ITGB6: variants seen among roughly 807,000 people sequenced by gnomAD.
The protein encoded by ITGB6 is integrin subunit beta 6, also known as integrin beta-6.
In ITGB6, 80 loss-of-function variants were observed where a neutral mutation model predicts 84.5. That is an observed-to-expected ratio of 0.95 (90% CI 0.79 to 1.14). The LOEUF (loss-of-function observed/expected upper bound fraction) is 1.14. Ranked by LOEUF, ITGB6 falls within the 50% of genes most tolerant of loss-of-function variation. The probability of loss-of-function intolerance (pLI) is 0.00; values close to 1 mark genes in which losing one functional copy is unlikely to be tolerated. For missense variants in ITGB6, 1,006 were observed against 968.0 expected (o/e 1.04, Z -0.52); for synonymous variants, 383 against 354.9 (o/e 1.08, Z -0.89).
At chr2:160,139,378 T>C (rs1683899719) in intron 8 of ITGB6, among the ~76,000 whole-genome samples, 1 of 152,110 alleles carries the variant, frequency 6.6e-6, no homozygotes, top group South Asian at 2.1e-4. Context: ...GGGTATATAG[T>C]AGGTGTATAT....
At chr2:160,180,236 AT>A (rs1469077736) in intron 4 of ITGB6, among the ~76,000 whole-genome samples, 1 of 152,200 alleles carries the variant, frequency 6.6e-6, no homozygotes, top group Admixed American at 6.5e-5. Context: ...GGTGAAATAA[AT>A]TTTTAGTGTC....
chr2:160,107,805 C>A lies in ITGB6; in HGVS notation c.2142G>T (p.Gly714=). 6.2e-7 allele frequency: 1 copy of A among 1,613,472 alleles called. No individual in the cohort carries two copies. The highest frequency in any genetic ancestry group is 8.5e-7 in the Non-Finnish European group (1 of 1,179,558). The change falls in exon 14 of 15, where the codon GGG becomes GGT. Residue 714 remains glycine (G), a synonymous_variant. Coordinates refer to ENST00000283249, the MANE Select transcript of ITGB6 (RefSeq NM_000888.5). Reference sequence around the variant, plus strand: ...CGATGAGAAGAATAGCCAGGGAAACCCCTAACATGATCATGGGAATGTTTG... The same window carrying A: ...CGATGAGAAGAATAGCCAGGGAAACACCTAACATGATCATGGGAATGTTTG... ...KPPNIPMIML[G]VSLAILLIGV... is the part of the protein sequence containing the mutation.
At chr2:160,135,127 A>C (rs1346366257) in intron 10 of ITGB6, among the ~76,000 whole-genome samples, 1 of 150,962 alleles carries the variant, frequency 6.6e-6, no homozygotes, top group African/African-American at 2.4e-5. Flanking sequence ...CCCTGTTTGC[A>C]GATGACATGA....
At chr2:160,154,739 A>G (rs1456415442) in intron 7 of ITGB6, among the ~76,000 whole-genome samples, 11 of 152,216 alleles carry the variant, frequency 7.2e-5, no homozygotes, top group African/African-American at 2.7e-4. Context: ...ATCAAATGAA[A>G]CATGATTCAG....
At position 160,126,458 on chromosome 2, in the gene ITGB6, A is replaced by T. The variant is rs764546149; in HGVS notation, c.1804T>A (p.Cys602Ser). The change falls in exon 11 of 15, where the codon TGT (cysteine) becomes AGT (serine). Residue 602 changes from cysteine (C) to serine (S), a missense_variant. Transcript: ENST00000283249. The part of the protein sequence containing the change: ...SGRGDCVCGK[C>S]VCTNPGASGP... ...GAGGCTCCAGGGTTTGTGCAAACAC[A>T]CTTGCCACAAACACAGTCCCCGCGC... 2 of 1,614,068 alleles carry T rather than the reference A, an allele frequency of 1.2e-6. No homozygotes were observed.
chr2:160,105,359 G>T lies in ITGB6; in HGVS notation c.2268+2320C>A, dbSNP rs539333057. ...CTGAGGGAGAACAATTCATGTTTTT[G>T]GGGAAATTAACTGTTAATTAAAATG... On this transcript the variant is annotated intron_variant, in intron 14 of 14. Transcript: ENST00000283249. Among the ~76,000 whole-genome samples the T allele has an allele frequency of 8.7e-4, 132 of 152,134 alleles. 1 individual carries two copies. The highest frequency in any genetic ancestry group is 2.9e-3 in the African/African-American group (122 of 41,510).
At chr2:160,199,288 T>C in intron 1 of ITGB6, 30 bp from the exon 2 acceptor site, 2 of 1,521,006 alleles carry the variant, frequency 1.3e-6, no homozygotes, top group Non-Finnish European at 9.1e-7. Flanking sequence ...GATGCAGGGA[T>C]TAAGTACACT....
intron 7 of ITGB6, among the ~76,000 whole-genome samples, chr2:160,158,539 A>C (rs1574100302): frequency 6.6e-6 from 1 of 152,216 alleles, no homozygotes; most frequent in African/African-American, 2.4e-5. Context: ...GGAATTGCAG[A>C]CCTTTGCTGA....
chr2:160,103,873 C>T (rs1696809252), intron 14 of ITGB6, among the ~76,000 whole-genome samples: 1 of 152,094 alleles, frequency 6.6e-6, no homozygotes, highest in South Asian at 2.1e-4. Flanking sequence ...CTCCGTAGGA[C>T]CAGATACTTG....
chr2:160,115,243 C>A (rs527440704), intron 12 of ITGB6, among the ~76,000 whole-genome samples: 2 of 152,358 alleles, frequency 1.3e-5, no homozygotes, highest in South Asian at 2.1e-4. Context: ...GGGAGGCACC[C>A]CCTAGTAGGG....
chr2:160,108,251 G>GTGTGTGTGTGTGTGTGTGTGTGTT (rs1696989651), intron 13 of ITGB6, among the ~76,000 whole-genome samples: 5 of 147,068 alleles, frequency 3.4e-5, no homozygotes, highest in African/African-American at 1.2e-4. Flanking sequence ...GTGTGTGTGT[G>GTGTGTGTGTGTGTGTGTGTGTGTT]TGTGCTGCAT....
chr2:160,104,783 T>A (rs1696846115), intron 14 of ITGB6, among the ~76,000 whole-genome samples: 1 of 152,218 alleles, frequency 6.6e-6, no homozygotes, highest in Non-Finnish European at 1.5e-5. Context: ...TGTGTTTTCA[T>A]AAAGAATATG....
chr2:160,194,512 C>T (rs1255046232), intron 4 of ITGB6, among the ~76,000 whole-genome samples: 3 of 151,550 alleles, frequency 2.0e-5, no homozygotes, highest in Non-Finnish European at 4.4e-5. Context: ...GTCATGTGGC[C>T]CTGGGCAAAT....
chr2:160,103,952 G>A (rs1696811115), intron 14 of ITGB6, among the ~76,000 whole-genome samples: 2 of 152,284 alleles, frequency 1.3e-5, no homozygotes, highest in Admixed American at 6.5e-5. Context: ...TAATATAACT[G>A]ATATGCATTA....
At chr2:160,104,332 C>T (rs1018837878) in intron 14 of ITGB6, among the ~76,000 whole-genome samples, 1 of 152,138 alleles carries the variant, frequency 6.6e-6, no homozygotes, top group South Asian at 2.1e-4. Flanking sequence ...GTGGAAATGT[C>T]CACACTGCCT....
chr2:160,196,389 C>A lies in ITGB6; in HGVS notation c.173G>T (p.Arg58Met), dbSNP rs1274368531. The A allele has an allele frequency of 1.2e-6, 2 of 1,613,648 alleles. No homozygotes were observed. The highest frequency in any genetic ancestry group is 2.7e-5 in the African/African-American group (2 of 74,862). ...NFTHPSGVGE[R>M]CDTPANLLAK... ...TAAAAGGTTTGCTGGGGTATCACAC[C>A]TTTCGCCAACTCCAGATGGATGAGT... The change falls in exon 3 of 15, where the codon AGG (arginine) becomes ATG (methionine). Residue 58 changes from arginine (R) to methionine (M), a missense_variant. Arg to Met is a moderately conservative substitution (Grantham distance 91). Coordinates refer to ENST00000283249, the MANE Select transcript of ITGB6 (RefSeq NM_000888.5).
intron 4 of ITGB6, 36 bp downstream of exon 4, chr2:160,195,333 C>G: frequency 6.2e-7 from 1 of 1,612,194 alleles, no homozygotes; most frequent in Middle Eastern, 1.7e-4. Context: ...CACAGAAAAT[C>G]AGCGCACAAA....
At chr2:160,176,192 T>C (rs1290104367) in intron 4 of ITGB6, among the ~76,000 whole-genome samples, 1 of 152,198 alleles carries the variant, frequency 6.6e-6, no homozygotes, top group South Asian at 2.1e-4. Context: ...TGGTCACTTC[T>C]GACCCCTCCC....
At chr2:160,197,779 G>A (rs1271149548) in intron 2 of ITGB6, among the ~76,000 whole-genome samples, 1 of 152,232 alleles carries the variant, frequency 6.6e-6, no homozygotes, top group African/African-American at 2.4e-5. Context: ...TCTCAACACA[G>A]TGTCATTGCT....
Sources: allele counts gnomAD v4.1 joint callset (sites outside exome capture counted in the v4.1 genomes callset), GRCh38; gene constraint gnomAD v4.1.1; transcripts MANE v1.5; gene names NCBI Gene and HGNC (gene_info 2026-07-23, HGNC 2026-07-21).